The following EPHA6 variants were observed in gnomAD, a reference collection of about 807,000 sequenced individuals.
The protein encoded by EPHA6 is EPH receptor A6.
EPHA6 carries 50 observed loss-of-function variants against 112.0 expected under a neutral mutation model. That is an observed-to-expected ratio of 0.45 (90% CI 0.36 to 0.56). The LOEUF (loss-of-function observed/expected upper bound fraction) is 0.56. Among genes scored for constraint, EPHA6 ranks in the 20% least tolerant of loss-of-function variants. The pLI is 0.00. For synonymous variants in EPHA6, 529 were observed against 490.7 expected (o/e 1.08, Z -1.03); for missense variants, 1,280 against 1,417.4 (o/e 0.90, Z 1.56).
At chr3:96,906,319 G>C (rs1442424056) in intron 2 of EPHA6, among the ~76,000 whole-genome samples, 1 of 151,960 alleles carries the variant, frequency 6.6e-6, no homozygotes, top group Non-Finnish European at 1.5e-5. Flanking sequence ...ACACTGTTAT[G>C]TGAAATGGGT....
chr3:97,331,916 C>A lies in EPHA6; in HGVS notation c.1607-73234C>A, dbSNP rs2082819002. Among the ~76,000 whole-genome samples the A allele has an allele frequency of 3.3e-5, 5 of 152,236 alleles. No individual in the cohort carries two copies. In the South Asian group the frequency reaches 1.0e-3, roughly 32 times the overall value. On this transcript the variant is annotated intron_variant, in intron 5 of 17. Coordinates refer to ENST00000389672, the MANE Select transcript of EPHA6 (RefSeq NM_001080448.3). ...TCCCTAACTCATTTTATGAGGCCAG[C>A]ATCATCCTGATACCAAAGCCTGGCA...
At chr3:97,548,988 C>T (rs1308357298) in intron 11 of EPHA6, among the ~76,000 whole-genome samples, 1 of 152,196 alleles carries the variant, frequency 6.6e-6, no homozygotes, top group African/African-American at 2.4e-5. Flanking sequence ...GTATTACTCA[C>T]TTGTGGGTGA....
At chr3:96,899,505 T>C (rs2038485795) in intron 2 of EPHA6, among the ~76,000 whole-genome samples, 1 of 152,226 alleles carries the variant, frequency 6.6e-6, no homozygotes, top group Non-Finnish European at 1.5e-5. Flanking sequence ...AGCAGAGCCA[T>C]GTGACAATCA....
intron 13 of EPHA6, among the ~76,000 whole-genome samples, chr3:97,631,747 C>T (rs72932247): frequency 0.014 from 2,087 of 152,032 alleles, 60 homozygotes; most frequent in African/African-American, 0.046. Context: ...TGTTAATTCT[C>T]CTCAAGAATA....
intron 3 of EPHA6, among the ~76,000 whole-genome samples, chr3:97,213,482 C>T (rs1045736215): frequency 1.8e-4 from 28 of 152,124 alleles, no homozygotes; most frequent in African/African-American, 6.8e-4. Context: ...TGGGGAATTG[C>T]CACATTCTCT....
intron 3 of EPHA6, among the ~76,000 whole-genome samples, chr3:97,214,161 C>G (rs1244955702): frequency 6.6e-6 from 1 of 151,942 alleles, no homozygotes; most frequent in African/African-American, 2.4e-5. Flanking sequence ...GCCTCAGCCT[C>G]CCAAGGAGCT....
chr3:97,645,678 A>G (rs975168669), intron 14 of EPHA6, among the ~76,000 whole-genome samples: 12 of 152,110 alleles, frequency 7.9e-5, no homozygotes, highest in Non-Finnish European at 1.6e-4. Context: ...AAAAAAAAGA[A>G]AAGGATTCTT....
intron 13 of EPHA6, among the ~76,000 whole-genome samples, chr3:97,627,526 C>T (rs957244570): frequency 2.4e-4 from 36 of 151,822 alleles, no homozygotes; most frequent in African/African-American, 8.5e-4. Flanking sequence ...GAAGTAGGAG[C>T]ATTTTATTTC....
chr3:96,898,960 G>A (rs563784549), intron 2 of EPHA6, among the ~76,000 whole-genome samples: 5 of 151,502 alleles, frequency 3.3e-5, no homozygotes, highest in Admixed American at 1.3e-4. Flanking sequence ...CCCGGGAGGC[G>A]GAGCTTGCAG....
At chr3:97,245,506 A>G (rs2078962345) in intron 5 of EPHA6, among the ~76,000 whole-genome samples, 1 of 152,018 alleles carries the variant, frequency 6.6e-6, no homozygotes, top group Admixed American at 6.6e-5. Context: ...TCAGCATAAT[A>G]TACACAATGG....
chr3:97,699,065 C>G (rs1252787080), intron 14 of EPHA6, among the ~76,000 whole-genome samples: 1 of 152,076 alleles, frequency 6.6e-6, no homozygotes, highest in East Asian at 1.9e-4. Context: ...ATGTGGAGTC[C>G]AAAGCAGAAG....
intron 3 of EPHA6, among the ~76,000 whole-genome samples, chr3:97,170,370 G>T (rs184512738): frequency 3.3e-5 from 5 of 152,142 alleles, no homozygotes; most frequent in African/African-American, 1.2e-4. Flanking sequence ...GGCGTAATCT[G>T]CAGGAATGAG....
chr3:97,059,113 G>A (rs190115169), intron 3 of EPHA6, among the ~76,000 whole-genome samples: 71 of 152,248 alleles, frequency 4.7e-4, no homozygotes, highest in African/African-American at 1.7e-3. Flanking sequence ...TGGAGAATAA[G>A]AAAACTATTG....
intron 12 of EPHA6, among the ~76,000 whole-genome samples, chr3:97,597,584 TA>T (rs2093605339): frequency 1.3e-5 from 2 of 152,222 alleles, no homozygotes; most frequent in African/African-American, 4.8e-5. Context: ...CAGATTTCTA[TA>T]AACCACATAT....
intron 5 of EPHA6, among the ~76,000 whole-genome samples, chr3:97,245,631 C>A (rs753041460): frequency 2.6e-5 from 4 of 151,898 alleles, no homozygotes; most frequent in Admixed American, 6.6e-5. Context: ...AGGATGCATT[C>A]TGTATGATTC....
intron 2 of EPHA6, among the ~76,000 whole-genome samples, chr3:96,867,119 T>C (rs1559785323): frequency 6.6e-6 from 1 of 151,938 alleles, no homozygotes; most frequent in Non-Finnish European, 1.5e-5. Flanking sequence ...TGTTTATACA[T>C]AGTGACATTA....
chr3:96,995,538 AAG>A (rs2043388693), intron 3 of EPHA6, among the ~76,000 whole-genome samples: 1 of 152,132 alleles, frequency 6.6e-6, no homozygotes, highest in South Asian at 2.1e-4. Flanking sequence ...ATTTCCAAGC[AAG>A]AAAGGATAAA....
chr3:97,487,583 A>G (rs2107510077), intron 10 of EPHA6, among the ~76,000 whole-genome samples: 1 of 152,374 alleles, frequency 6.6e-6, no homozygotes, highest in Admixed American at 6.5e-5. Context: ...GTGCAACTGA[A>G]CCATAAAAAT....
chr3:97,164,836 G>T (rs547843391), intron 3 of EPHA6, among the ~76,000 whole-genome samples: 1 of 152,026 alleles, frequency 6.6e-6, no homozygotes. Flanking sequence ...TCTACCACCA[G>T]CATCCTATTT....
Sources: gnomAD v4.1 joint callset for allele counts (sites outside exome capture counted in the v4.1 genomes callset) on GRCh38, gnomAD v4.1.1 for gene constraint, MANE v1.5 for transcripts, NCBI Gene and HGNC (gene_info 2026-07-23, HGNC 2026-07-21) for gene names.